The following TRIP4 variants were observed in gnomAD, a reference collection of about 807,000 sequenced individuals.
The protein encoded by TRIP4 is activating signal cointegrator 1.
Under a neutral mutation model 81.8 loss-of-function variants are expected in TRIP4, and 54 were observed. That is an observed-to-expected ratio of 0.66 (90% CI 0.53 to 0.83). The LOEUF is 0.83. Ranked by LOEUF, TRIP4 falls within the 40% of genes least tolerant of loss-of-function variation. The probability of loss-of-function intolerance (pLI) is 0.00; values close to 1 mark genes in which losing one functional copy is unlikely to be tolerated. For synonymous variants in TRIP4, 270 were observed against 242.8 expected, an observed-to-expected ratio of 1.11 and a Z score of -1.04; for missense variants, 662 against 683.6, an observed-to-expected ratio of 0.97 and a Z score of 0.35.
chr15:64,451,496 G>A (rs1444874227), intron 12 of TRIP4, among the ~76,000 whole-genome samples: 1 of 127,788 alleles, frequency 7.8e-6, no homozygotes, highest in Non-Finnish European at 1.6e-5. Flanking sequence ...TTTGGGGAGT[G>A]GGTCTCACTC....
intron 10 of TRIP4, among the ~76,000 whole-genome samples, chr15:64,425,253 C>T (rs1327477771): frequency 6.6e-6 from 1 of 151,790 alleles, no homozygotes; most frequent in Non-Finnish European, 1.5e-5. Context: ...ATAGTAGAAT[C>T]GATTTGTATT....
chr15:64,407,672 A>T (rs868291081), intron 6 of TRIP4, among the ~76,000 whole-genome samples: 9 of 152,160 alleles, frequency 5.9e-5, no homozygotes, highest in African/African-American at 9.6e-5. Flanking sequence ...GTCTCAAAAA[A>T]AAAATAATAA....
intron 9 of TRIP4, among the ~76,000 whole-genome samples, chr15:64,421,089 C>T (rs955079444): frequency 7.3e-5 from 11 of 150,138 alleles, no homozygotes; most frequent in African/African-American, 2.2e-4. Context: ...GTGGGCGGAT[C>T]ACAAGGTCAT....
intron 11 of TRIP4, among the ~76,000 whole-genome samples, chr15:64,431,974 C>T (rs1246079593): frequency 6.8e-5 from 10 of 146,942 alleles, no homozygotes; most frequent in African/African-American, 2.3e-4. Context: ...GCAACCTCTG[C>T]CTCCTAGGTT....
chr15:64,453,036 A>AT (rs1178347289), intron 12 of TRIP4, among the ~76,000 whole-genome samples: 1 of 152,132 alleles, frequency 6.6e-6, no homozygotes, highest in African/African-American at 2.4e-5. Context: ...AAATAAAAAA[A>AT]TTAGCTGGGC....
At chr15:64,431,582 C>T (rs1171631426) in intron 11 of TRIP4, among the ~76,000 whole-genome samples, 1 of 151,232 alleles carries the variant, frequency 6.6e-6, no homozygotes, top group African/African-American at 2.4e-5. Context: ...AGTGGGTGCC[C>T]GTAATCCCAG....
intron 3 of TRIP4, among the ~76,000 whole-genome samples, 199 bp downstream of exon 3, chr15:64,395,730 A>G (rs543656527): frequency 2.7e-5 from 4 of 150,224 alleles, no homozygotes; most frequent in Admixed American, 6.6e-5. Flanking sequence ...TATTATAAAG[A>G]CATCTTTGCT....
intron 1 of TRIP4, among the ~76,000 whole-genome samples, chr15:64,389,059 A>G (rs1900038525): frequency 6.6e-6 from 1 of 152,180 alleles, no homozygotes; most frequent in Non-Finnish European, 1.5e-5. Flanking sequence ...ATTCTCATTA[A>G]GATTTGAAAA....
chr15:64,400,442 G>A (rs998067257), intron 4 of TRIP4, among the ~76,000 whole-genome samples: 1 of 149,302 alleles, frequency 6.7e-6, no homozygotes, highest in African/African-American at 2.4e-5. Flanking sequence ...CCAAAGTGCT[G>A]GGATTACAGT....
At chr15:64,408,368 C>T (rs914345967) in intron 6 of TRIP4, among the ~76,000 whole-genome samples, 7 of 151,112 alleles carry the variant, frequency 4.6e-5, no homozygotes, top group Non-Finnish European at 1.0e-4. Context: ...ACGCCATTCT[C>T]CCGCCTCAGC....
chr15:64,408,094 CAAAAAA>C (rs750653412), intron 6 of TRIP4, among the ~76,000 whole-genome samples: 1 of 98,740 alleles, frequency 1.0e-5, no homozygotes, highest in Non-Finnish European at 2.1e-5. Context: ...GAGATTGTCT[CAAAAAA>C]AAAAAAAAAA....
intron 4 of TRIP4, among the ~76,000 whole-genome samples, chr15:64,398,989 G>C (rs1259633755): frequency 7.6e-6 from 1 of 130,848 alleles, no homozygotes; most frequent in Non-Finnish European, 1.5e-5. Flanking sequence ...TCACTCTGTC[G>C]CCCAGGCTGG....
chr15:64,397,064 G>GT (rs973727213), intron 3 of TRIP4, among the ~76,000 whole-genome samples: 6 of 151,974 alleles, frequency 3.9e-5, no homozygotes, highest in East Asian at 1.9e-4. Context: ...TTCTTATTAG[G>GT]TTTTTTTTGC....
At chr15:64,434,510 AAG>A (rs1892346594) in intron 11 of TRIP4, among the ~76,000 whole-genome samples, 1 of 152,134 alleles carries the variant, frequency 6.6e-6, no homozygotes, top group Admixed American at 6.6e-5. Context: ...TGGGATGGGA[AAG>A]AGTGTTTTGA....
At chr15:64,445,511 G>T (rs914504332) in intron 12 of TRIP4, among the ~76,000 whole-genome samples, 2 of 149,962 alleles carry the variant, frequency 1.3e-5, no homozygotes, top group African/African-American at 2.4e-5. Context: ...GTGTGGTGGC[G>T]TGCGCCTGTA....
intron 7 of TRIP4, among the ~76,000 whole-genome samples, chr15:64,412,778 T>A (rs1891797707): frequency 6.6e-6 from 1 of 152,102 alleles, no homozygotes; most frequent in African/African-American, 2.4e-5. Context: ...TTGAATAGAG[T>A]AGCAAGTACT....
In TRIP4 at chr15:64,445,014, C is replaced by T. The variant is rs1892593102; in HGVS notation, c.1584C>T (p.Asp528=). Reference sequence around the variant, plus strand: ...ATTTTTATATTTCACAGTTTCCAGACATCAGTCAAGAGTCTGATTCTCCAT... The same window carrying T: ...ATTTTTATATTTCACAGTTTCCAGATATCAGTCAAGAGTCTGATTCTCCAT... ...SQKQFKEQFP[D]ISQESDSPFV... is the part of the protein sequence containing the mutation. The change falls in exon 12 of 13, where the codon GAC becomes GAT. Residue 528 remains aspartate (D), a synonymous_variant. Transcript: ENST00000261884. 1.3e-6 allele frequency: 2 copies of T among 1,545,468 alleles called. No individual in the cohort carries two copies. Among genetic ancestry groups the T allele is most frequent in the African/African-American group, 1.4e-5 (1 of 72,954 alleles).
intron 11 of TRIP4, among the ~76,000 whole-genome samples, chr15:64,443,390 G>A (rs1337369245): frequency 6.6e-6 from 1 of 152,152 alleles, no homozygotes; most frequent in Non-Finnish European, 1.5e-5. Flanking sequence ...ATTGTCCTTT[G>A]CCTCAATGGT....
rs145382717 is a variant in TRIP4 at position 64,407,392 on chromosome 15, G to T, written c.827+933G>T. On this transcript the variant is annotated intron_variant, in intron 6 of 12. Transcript: ENST00000261884. ...TATTAGAAATAGAAATGGAAGCCGG[G>T]CACGGTGGCTCACACCTGTAATCCC... is the stretch of plus-strand genomic sequence containing the variant. Among the ~76,000 whole-genome samples, 19 of 152,248 alleles carry T rather than the reference G, an allele frequency of 1.2e-4. 1 individual carries two copies. Among genetic ancestry groups the T allele is most frequent in the Admixed American group, 5.9e-4 (9 of 15,276 alleles).
Sources: allele counts gnomAD v4.1 joint callset (sites outside exome capture counted in the v4.1 genomes callset), GRCh38; gene constraint gnomAD v4.1.1; transcripts MANE v1.5; gene names NCBI Gene and HGNC (gene_info 2026-07-23, HGNC 2026-07-21).